Variants in NBEAL1 observed in about 807,000 individuals in gnomAD.
NBEAL1 encodes the protein neurobeachin like 1.
In NBEAL1, 273 loss-of-function variants were observed where a neutral mutation model predicts 351.3. The observed-to-expected ratio is 0.78, with a 90% CI of 0.70 to 0.86. NBEAL1 has a LOEUF of 0.86. Among genes scored for constraint, NBEAL1 ranks in the 40% least tolerant of loss-of-function variants. The pLI is 0.00. For missense variants in NBEAL1, 2,961 were observed against 3,201.3 expected (o/e 0.92, Z 1.81); for synonymous variants, 1,050 against 1,086.4 (o/e 0.97, Z 0.66).
intron 6 of NBEAL1, among the ~76,000 whole-genome samples, chr2:203,060,698 A>G (rs1386303152): frequency 6.6e-6 from 1 of 152,226 alleles, no homozygotes; most frequent in East Asian, 1.9e-4. Context: ...GACCCTCTTT[A>G]ACAATGAACC....
intron 15 of NBEAL1, 38 bp from the exon 16 acceptor site, chr2:203,111,941 G>A (rs2062582089): frequency 6.5e-7 from 1 of 1,532,568 alleles, no homozygotes; most frequent in African/African-American, 1.4e-5. Flanking sequence ...AAGACATAAT[G>A]TAATTTTATC....
At chr2:203,112,181 T>C in intron 16 of NBEAL1, 83 bp downstream of exon 16, 3 of 1,381,890 alleles carry the variant, frequency 2.2e-6, no homozygotes, top group Non-Finnish European at 2.9e-6. Flanking sequence ...AGGTTATGTT[T>C]ATTGTAAATA....
intron 9 of NBEAL1, among the ~76,000 whole-genome samples, 156 bp from the exon 10 acceptor site, chr2:203,084,307 A>C (rs1465436021): frequency 6.6e-6 from 1 of 152,182 alleles, no homozygotes. Context: ...TAAAGGCATA[A>C]AAATGCTTTT....
chr2:203,044,145 C>T (rs1055118337), intron 3 of NBEAL1, among the ~76,000 whole-genome samples: 1 of 152,026 alleles, frequency 6.6e-6, no homozygotes, highest in African/African-American at 2.4e-5. Context: ...AGATACTGAA[C>T]TCAAGTAAGG....
intron 7 of NBEAL1, chr2:203,075,025 A>T (rs2106145009): frequency 6.6e-6 from 1 of 152,510 alleles, no homozygotes; most frequent in South Asian, 2.1e-4. Context: ...GGTGATGTGC[A>T]GATTGTGTGT....
chr2:203,168,397 C>G (rs2064205329), intron 38 of NBEAL1, among the ~76,000 whole-genome samples: 1 of 152,018 alleles, frequency 6.6e-6, no homozygotes, highest in Non-Finnish European at 1.5e-5. Flanking sequence ...ACCACCCTGG[C>G]CAACATGGTG....
At chr2:203,116,809 G>T (rs899775638) in intron 18 of NBEAL1, among the ~76,000 whole-genome samples, 3 of 125,630 alleles carry the variant, frequency 2.4e-5, no homozygotes, top group Non-Finnish European at 5.0e-5. Flanking sequence ...AAAAAAAAAG[G>T]GGGGGGCCCA....
At chr2:203,215,650 T>G (rs1418006564) in intron 55 of NBEAL1, among the ~76,000 whole-genome samples, 1 of 150,660 alleles carries the variant, frequency 6.6e-6, no homozygotes, top group Non-Finnish European at 1.5e-5. Flanking sequence ...ATCGTGCCAC[T>G]GCACTTCCAG....
chr2:203,070,720 T>C (rs2061668471), intron 7 of NBEAL1, among the ~76,000 whole-genome samples: 1 of 152,132 alleles, frequency 6.6e-6, no homozygotes, highest in South Asian at 2.1e-4. Context: ...GTGAGAAAGC[T>C]GGGAGGTGCT....
At position 203,107,613 on chromosome 2, in the gene NBEAL1, A is replaced by T; in HGVS notation, c.1374A>T (p.Val458=). ...TCTTTTATGTTGCTTTTCAGGCTGT[A>T]GAGGGTGACCACACTTCAGTTGGGA... ...ELLKELMNMA[V]EGDHTSVGIL... The change falls in exon 14 of 56, where the codon GTA becomes GTT. Residue 458 remains valine, a synonymous_variant. Transcript: ENST00000683969. 1 of 1,551,498 alleles carries T rather than the reference A, an allele frequency of 6.4e-7. No homozygotes were observed. The highest frequency in any genetic ancestry group is 8.7e-7 in the Non-Finnish European group (1 of 1,146,686).
intron 46 of NBEAL1, 30 bp from the exon 47 acceptor site, chr2:203,193,765 G>A: frequency 7.0e-7 from 1 of 1,423,174 alleles, no homozygotes; most frequent in Non-Finnish European, 9.9e-7. Flanking sequence ...CATAGATATG[G>A]AATTGTTTTT....
chr2:203,063,669 T>C lies in NBEAL1; in HGVS notation c.516-4724T>C, dbSNP rs115751397. 8.7e-3 allele frequency among the ~76,000 whole-genome samples: 1,318 copies of C among 152,262 alleles called. 15 individuals carry two copies. Among genetic ancestry groups the C allele is most frequent in the African/African-American group, 0.03 (1,236 of 41,542 alleles). ...AAAATATACTTATTGAGTTTCTACT[T>C]TGTGACTAGTGCAAGTTTAGTAGGA... On this transcript the variant is annotated intron_variant, in intron 6 of 55. Transcript: ENST00000683969.
chr2:203,029,611 A>G (rs912336686), intron 2 of NBEAL1, among the ~76,000 whole-genome samples: 4 of 151,992 alleles, frequency 2.6e-5, no homozygotes, highest in Admixed American at 2.6e-4. Flanking sequence ...AGAATCACTT[A>G]AGCCCAGGTG....
chr2:203,133,560 TTAAC>T (rs1046946525), intron 27 of NBEAL1, among the ~76,000 whole-genome samples: 4 of 151,986 alleles, frequency 2.6e-5, no homozygotes, highest in Non-Finnish European at 5.9e-5. Context: ...CAGTTAACCT[TTAAC>T]TAAGTCAAGA....
At chr2:203,197,026 T>C (rs534489820) in intron 47 of NBEAL1, among the ~76,000 whole-genome samples, 1 of 152,358 alleles carries the variant, frequency 6.6e-6, no homozygotes, top group South Asian at 2.1e-4. Flanking sequence ...TCCTAAATCA[T>C]TGGCTGTTTT....
At chr2:203,049,544 C>G (rs78783668) in intron 3 of NBEAL1, among the ~76,000 whole-genome samples, 5,381 of 152,234 alleles carry the variant, frequency 0.035, 308 homozygotes, top group African/African-American at 0.12. Flanking sequence ...AATAGTCTGT[C>G]TCTCTCTTTA....
At chr2:203,067,355 C>T (rs2106123720) in intron 6 of NBEAL1, among the ~76,000 whole-genome samples, 1 of 152,264 alleles carries the variant, frequency 6.6e-6, no homozygotes, top group East Asian at 1.9e-4. Flanking sequence ...ATTTAGAAAG[C>T]AGTGCAGTAG....
Position 203,161,828 on chromosome 2 carries a change from A to G in NBEAL1, c.5714+4003A>G, listed in dbSNP as rs980030524. 5.3e-5 allele frequency among the ~76,000 whole-genome samples: 8 copies of G among 151,800 alleles called. No homozygotes were observed. In the East Asian group the frequency reaches 5.8e-4, roughly 11 times the overall value. On this transcript the variant is annotated intron_variant, in intron 36 of 55. Coordinates refer to ENST00000683969, the MANE Select transcript of NBEAL1 (RefSeq NM_001378026.1). Reference sequence around the variant, plus strand: ...AGCCTGGGTGACAGAGCCAGACCCTATCTCTAAAATAAATAAATAAATAAG... The same window carrying G: ...AGCCTGGGTGACAGAGCCAGACCCTGTCTCTAAAATAAATAAATAAATAAG...
intron 16 of NBEAL1, among the ~76,000 whole-genome samples, chr2:203,112,604 G>A (rs1438598930): frequency 6.6e-6 from 1 of 152,116 alleles, no homozygotes; most frequent in African/African-American, 2.4e-5. Context: ...CAAGTCCAAG[G>A]ATTCAAGTAA....
Sources: allele counts gnomAD v4.1 joint callset (sites outside exome capture counted in the v4.1 genomes callset), GRCh38; gene constraint gnomAD v4.1.1; transcripts MANE v1.5; gene names NCBI Gene and HGNC (gene_info 2026-07-23, HGNC 2026-07-21).